CHLSN: variants seen among roughly 807,000 people sequenced by gnomAD.
The protein encoded by CHLSN is protein cholesin.
chr7:1,127,130 C>T, the CHLSN span: 1 of 1,114,342 alleles, frequency 9.0e-7, no homozygotes, highest in Non-Finnish European at 1.2e-6. Flanking sequence ...CAAGCCCCAC[C>T]ACGCCTCCGC....
the CHLSN span, among the ~76,000 whole-genome samples, chr7:1,121,217 T>A: frequency 6.6e-6 from 1 of 151,648 alleles, no homozygotes; most frequent in Non-Finnish European, 1.5e-5. Flanking sequence ...CCTGTACATG[T>A]ATGAGTTCAA....
chr7:1,073,643 C>CCAT, the CHLSN span, among the ~76,000 whole-genome samples: 2 of 151,842 alleles, frequency 1.3e-5, no homozygotes, highest in Non-Finnish European at 1.5e-5. Context: ...GCCGCCACTG[C>CCAT]CGTGATGCCC....
chr7:1,005,247 C>T, the CHLSN span, among the ~76,000 whole-genome samples: 2 of 152,168 alleles, frequency 1.3e-5, no homozygotes, highest in Non-Finnish European at 2.9e-5. Flanking sequence ...GCCGAGATTG[C>T]ACCACTGCAC....
the CHLSN span, chr7:1,092,088 C>T: frequency 5.0e-5 from 81 of 1,613,950 alleles, no homozygotes; most frequent in South Asian, 7.5e-4. Context: ...TCAACCTGCA[C>T]GAGCGGTACT....
At chr7:1,125,011 C>T in the CHLSN span, among the ~76,000 whole-genome samples, 93 of 152,324 alleles carry the variant, frequency 6.1e-4, no homozygotes, top group African/African-American at 2.0e-3. Flanking sequence ...CAGTGAGAGA[C>T]GACCCTCTGA....
At chr7:1,058,025 T>C in the CHLSN span, 239 of 769,684 alleles carry the variant, frequency 3.1e-4, no homozygotes, top group African/African-American at 3.4e-3. Context: ...TCTGCAGCCA[T>C]GTGTCCACCC....
At chr7:997,801 GA>G in the CHLSN span, 1 of 1,603,632 alleles carries the variant, frequency 6.2e-7, no homozygotes, top group Non-Finnish European at 8.5e-7. Flanking sequence ...TGCTCATCGG[GA>G]ACCTGGACGG....
chr7:1,036,318 G>C, the CHLSN span, among the ~76,000 whole-genome samples: 2 of 151,874 alleles, frequency 1.3e-5, no homozygotes, highest in Non-Finnish European at 1.5e-5. Context: ...GGCCGTGCAG[G>C]GTTCGGGTGC....
chr7:1,026,714 C>G, the CHLSN span: 1 of 152,246 alleles, frequency 6.6e-6, no homozygotes, highest in Non-Finnish European at 1.5e-5. Flanking sequence ...CCACGCCCCT[C>G]AGTTGCTGCC....
the CHLSN span, among the ~76,000 whole-genome samples, chr7:1,005,504 G>A: frequency 4.6e-5 from 7 of 152,228 alleles, no homozygotes; most frequent in African/African-American, 1.2e-4. Flanking sequence ...GACAGGGGCC[G>A]GGTCTCATGG....
At chr7:1,036,424 G>C in the CHLSN span, among the ~76,000 whole-genome samples, 899 of 112,234 alleles carry the variant, frequency 8.0e-3, 10 homozygotes, top group African/African-American at 0.025. Flanking sequence ...GGTGCTCGTG[G>C]TGTGGCCGTG....
At chr7:980,886 G>A in the CHLSN span, among the ~76,000 whole-genome samples, 1 of 151,560 alleles carries the variant, frequency 6.6e-6, no homozygotes, top group East Asian at 2.0e-4. Context: ...ATGGGGTTTT[G>A]CCGTGTTAGC....
At chr7:1,009,559 G>A in the CHLSN span, among the ~76,000 whole-genome samples, 4 of 152,198 alleles carry the variant, frequency 2.6e-5, no homozygotes, top group African/African-American at 9.7e-5. Flanking sequence ...TTGGGTGGCA[G>A]TGGCGCCTCC....
the CHLSN span, among the ~76,000 whole-genome samples, chr7:1,072,255 T>C: frequency 2.6e-5 from 4 of 152,120 alleles, no homozygotes; most frequent in South Asian, 2.1e-4. Flanking sequence ...CTGCCCTTCT[T>C]CTCTCGCCAC....
the CHLSN span, among the ~76,000 whole-genome samples, chr7:1,018,118 T>C: frequency 6.6e-6 from 1 of 152,068 alleles, no homozygotes; most frequent in African/African-American, 2.4e-5. Context: ...ACCCCTGCCA[T>C]CATCTCTGCT....
the CHLSN span, chr7:985,471 G>A: frequency 2.1e-6 from 2 of 934,184 alleles, no homozygotes; most frequent in Non-Finnish European, 3.1e-6. Context: ...CCTGAATCAG[G>A]ACCCATCCGA....
the CHLSN span, among the ~76,000 whole-genome samples, chr7:1,120,839 G>A: frequency 3.5e-5 from 5 of 144,754 alleles, no homozygotes; most frequent in African/African-American, 9.9e-5. Flanking sequence ...GCCGGCAGGC[G>A]GCCCATGGAC....
the CHLSN span, among the ~76,000 whole-genome samples, chr7:1,106,330 G>C: frequency 1.3e-5 from 2 of 152,210 alleles, no homozygotes; most frequent in African/African-American, 2.4e-5. Context: ...TCCAGACCCA[G>C]CCAGAGCGAA....
chr7:1,016,835 G>T, the CHLSN span, among the ~76,000 whole-genome samples: 1 of 123,902 alleles, frequency 8.1e-6, no homozygotes, highest in Admixed American at 8.1e-5. Context: ...GCGCACAGCA[G>T]CGCACGCCAG....
Sources: gnomAD v4.1 joint callset for allele counts (sites outside exome capture counted in the v4.1 genomes callset) on GRCh38, gnomAD v4.1.1 for gene constraint, MANE v1.5 for transcripts, NCBI Gene and HGNC (gene_info 2026-07-23, HGNC 2026-07-21) for gene names.